The following DAB1 variants were observed in gnomAD, a reference collection of about 807,000 sequenced individuals.
The protein encoded by DAB1 is disabled homolog 1.
A neutral mutation model predicts 64.6 loss-of-function variants in DAB1; 15 were observed. The observed-to-expected ratio is 0.23, with a 90% confidence interval of 0.16 to 0.36. DAB1 has a LOEUF of 0.36. Among genes scored for constraint, DAB1 ranks in the 10% least tolerant of loss-of-function variants. The pLI is 1.00. For synonymous variants in DAB1, 235 were observed against 251.9 expected, an observed-to-expected ratio of 0.93 and a Z score of 0.64; for missense variants, 596 against 706.7, an observed-to-expected ratio of 0.84 and a Z score of 1.78.
intron 5 of DAB1, among the ~76,000 whole-genome samples, chr1:58,052,438 G>T (rs1412545752): frequency 6.6e-6 from 1 of 152,134 alleles, no homozygotes; most frequent in Non-Finnish European, 1.5e-5. Context: ...TGCTGTTTTG[G>T]CTACTGTAGC....
chr1:58,427,076 C>A (rs548589946), intron 3 of DAB1, among the ~76,000 whole-genome samples: 51 of 152,192 alleles, frequency 3.4e-4, no homozygotes, highest in African/African-American at 1.2e-3. Flanking sequence ...AGAGGGAGAC[C>A]AGTGTACATG....
chr1:57,938,857 G>T (rs760382824), intron 5 of DAB1, among the ~76,000 whole-genome samples: 3 of 151,802 alleles, frequency 2.0e-5, no homozygotes, highest in Non-Finnish European at 4.4e-5. Context: ...GCCTCTTCTG[G>T]GGACTCCTGG....
At chr1:57,718,158 A>G (rs1647107055) in intron 6 of DAB1, among the ~76,000 whole-genome samples, 1 of 152,170 alleles carries the variant, frequency 6.6e-6, no homozygotes, top group Non-Finnish European at 1.5e-5. Flanking sequence ...AAGATTTTGA[A>G]TGTTATCACC....
chr1:58,003,103 C>A (rs1646531137), intron 5 of DAB1, among the ~76,000 whole-genome samples: 2 of 152,116 alleles, frequency 1.3e-5, no homozygotes, highest in African/African-American at 2.4e-5. Flanking sequence ...AGTTCTTAAG[C>A]TTCAAGTGCC....
At chr1:58,258,777 C>T (rs763432357) in intron 4 of DAB1, among the ~76,000 whole-genome samples, 7 of 151,794 alleles carry the variant, frequency 4.6e-5, no homozygotes, top group Admixed American at 1.3e-4. Flanking sequence ...TTTCAATTAA[C>T]GTGGGTTAGT....
At chr1:58,316,960 T>C (rs61419881) in intron 4 of DAB1, among the ~76,000 whole-genome samples, 7,009 of 152,324 alleles carry the variant, frequency 0.046, 539 homozygotes, top group African/African-American at 0.16. Flanking sequence ...TCTAAGTACA[T>C]TCTGAGAATT....
intron 5 of DAB1, among the ~76,000 whole-genome samples, chr1:58,061,019 C>A (rs1284627134): frequency 6.6e-6 from 1 of 152,188 alleles, no homozygotes; most frequent in African/African-American, 2.4e-5. Flanking sequence ...GTCCTCAGGG[C>A]CTCCATCCCT....
At chr1:57,718,179 G>A (rs1056519971) in intron 6 of DAB1, among the ~76,000 whole-genome samples, 1 of 152,082 alleles carries the variant, frequency 6.6e-6, no homozygotes, top group Admixed American at 6.6e-5. Flanking sequence ...ACAAAGAAAT[G>A]ATAAATATTT....
intron 9 of DAB1, among the ~76,000 whole-genome samples, chr1:57,057,837 T>C (rs1649971384): frequency 6.6e-6 from 1 of 152,038 alleles, no homozygotes; most frequent in South Asian, 2.1e-4. Context: ...CTCGATCTCC[T>C]GACCTCCTGA....
At chr1:58,114,019 G>A (rs1300781529) in intron 5 of DAB1, among the ~76,000 whole-genome samples, 1 of 151,646 alleles carries the variant, frequency 6.6e-6, no homozygotes, top group Non-Finnish European at 1.5e-5. Context: ...GGTCCAGGTG[G>A]GCGGATTACT....
At chr1:57,157,059 A>G in intron 2 of DAB1, among the ~76,000 whole-genome samples, 1 of 152,214 alleles carries the variant, frequency 6.6e-6, no homozygotes, top group Non-Finnish European at 1.5e-5. Context: ...CAGAGCCCAC[A>G]GAGTCCACTG....
chr1:57,663,844 C>T (rs1372386529), intron 6 of DAB1, among the ~76,000 whole-genome samples: 1 of 152,044 alleles, frequency 6.6e-6, no homozygotes, highest in Admixed American at 6.6e-5. Context: ...CTGAGAGAGA[C>T]CAAAGGCTGT....
At chr1:57,789,416 G>A (rs1650488783) in intron 6 of DAB1, among the ~76,000 whole-genome samples, 1 of 152,176 alleles carries the variant, frequency 6.6e-6, no homozygotes, top group African/African-American at 2.4e-5. Flanking sequence ...CAACAGAAAT[G>A]GGTGGCTTGA....
At chr1:58,255,339 G>A (rs914402158) in intron 4 of DAB1, among the ~76,000 whole-genome samples, 2 of 152,068 alleles carry the variant, frequency 1.3e-5, no homozygotes, top group Admixed American at 6.6e-5. Context: ...AGACAGAGGC[G>A]TTTGTCACTT....
intron 7 of DAB1, among the ~76,000 whole-genome samples, chr1:57,606,557 T>TATAA (rs1318971201): frequency 9.2e-6 from 1 of 109,178 alleles, no homozygotes; most frequent in Non-Finnish European, 1.8e-5. Flanking sequence ...ATATAATATA[T>TATAA]TATATATTAT....
chr1:57,569,649 T>C (rs1054432628), intron 7 of DAB1, among the ~76,000 whole-genome samples: 2 of 151,864 alleles, frequency 1.3e-5, no homozygotes, highest in African/African-American at 4.8e-5. Context: ...CTAATGTAAA[T>C]GACAAGTTAA....
At chr1:57,722,655 T>C (rs1169273383) in intron 6 of DAB1, among the ~76,000 whole-genome samples, 1 of 152,186 alleles carries the variant, frequency 6.6e-6, no homozygotes, top group East Asian at 1.9e-4. Flanking sequence ...ATAATATCTT[T>C]GCATAATTTT....
At chr1:57,428,028 C>T (rs1469608502), upstream of DAB1, among the ~76,000 whole-genome samples, 4 of 152,016 alleles carry the variant, frequency 2.6e-5, no homozygotes, top group African/African-American at 4.8e-5. Flanking sequence ...CTTAGCCGGG[C>T]GTGGTGGCTC....
At chr1:58,169,336 G>A (rs1420878154) in intron 4 of DAB1, among the ~76,000 whole-genome samples, 6 of 152,258 alleles carry the variant, frequency 3.9e-5, no homozygotes, top group Non-Finnish European at 4.4e-5. Flanking sequence ...CAGGGTCCAG[G>A]GACCATTGTG....
Sources: allele counts gnomAD v4.1 joint callset (sites outside exome capture counted in the v4.1 genomes callset), GRCh38; gene constraint gnomAD v4.1.1; transcripts MANE v1.5; gene names NCBI Gene and HGNC (gene_info 2026-07-23, HGNC 2026-07-21).